TRIOBP: variants seen among roughly 807,000 people sequenced by gnomAD.
The protein encoded by TRIOBP is TRIO and F-actin-binding protein.
Under a neutral mutation model 238.8 loss-of-function variants are expected in TRIOBP, and 169 were observed. That is an observed-to-expected ratio of 0.71 (90% CI 0.62 to 0.80). The LOEUF (loss-of-function observed/expected upper bound fraction) is 0.80, where lower values mean the gene tolerates loss of function less well. TRIOBP is among the 30% of genes least tolerant of loss of function. TRIOBP has a pLI of 0.00. For synonymous variants in TRIOBP, 1,150 were observed against 1,274.4 expected (o/e 0.90, Z 2.08); for missense variants, 2,838 against 3,122.6 (o/e 0.91, Z 2.17).
intron 6 of TRIOBP, 45 bp downstream of exon 6, chr22:37,715,979 C>T: frequency 6.2e-7 from 1 of 1,606,256 alleles, no homozygotes; most frequent in Non-Finnish European, 8.5e-7. Context: ...TGGCCTGGGG[C>T]CCCCCAGATA....
Position 37,711,010 on chromosome 22 carries a change from G to A in TRIOBP, c.254+444G>A, listed in dbSNP as rs76877697. On this transcript the variant is annotated intron_variant, in intron 4 of 23. Transcript: ENST00000644935. ...CACCTGCTGTCACCCACCTACGTGG[G>A]TGTGCACTGCTCCAGGCTCTGGGGT... Among the ~76,000 whole-genome samples the A allele has an allele frequency of 9.4e-3, 1,435 of 152,352 alleles. 18 individuals carry two copies. Among genetic ancestry groups the A allele is most frequent in the African/African-American group, 0.033 (1,376 of 41,572 alleles).
At chr22:37,759,675 A>AG in intron 17 of TRIOBP, 1 of 1,522,366 alleles carries the variant, frequency 6.6e-7, no homozygotes, top group Non-Finnish European at 8.8e-7. Context: ...CACTGGGCCA[A>AG]GGCCCCACAC....
At chr22:37,771,022 ACT>A (rs1346998883) in intron 21 of TRIOBP, among the ~76,000 whole-genome samples, 1 of 152,142 alleles carries the variant, frequency 6.6e-6, no homozygotes, top group African/African-American at 2.4e-5. Context: ...GGTGAGGCTC[ACT>A]CTGTACCTAG....
chr22:37,765,673 G>T lies in TRIOBP; in HGVS notation c.6328G>T (p.Ala2110Ser), dbSNP rs1302649675. Reference sequence around the variant, plus strand: ...CACCCTGGCGTCCGGCCCACAGGAGGCATGTGAGCGCAGCCTGGCAGAGAT... The same window carrying T: ...CACCCTGGCGTCCGGCCCACAGGAGTCATGTGAGCGCAGCCTGGCAGAGAT... ...HIPPGYISQEACERSLAEMES... is the reference protein window; with the variant it reads ...HIPPGYISQESCERSLAEMES... Residue 2110 changes from alanine (A) to serine (S), a missense_variant, in exon 18 of 24, where the codon GCA becomes TCA. This residue lies in a region of TRIOBP where 2,096 missense variants were observed against 2,137.4 expected (regional missense o/e 0.98). Transcript: ENST00000644935. 6.5e-7 allele frequency: 1 copy of T among 1,550,158 alleles called. No individual in the cohort carries two copies. The highest frequency in any genetic ancestry group is 1.4e-5 in the African/African-American group (1 of 73,124).
At chr22:37,748,777 G>C (rs1163537053) in intron 11 of TRIOBP, among the ~76,000 whole-genome samples, 2 of 152,134 alleles carry the variant, frequency 1.3e-5, no homozygotes, top group Non-Finnish European at 2.9e-5. Context: ...GGGGCGGCTG[G>C]TGGTGCGGTG....
intron 6 of TRIOBP, among the ~76,000 whole-genome samples, chr22:37,721,055 G>A (rs1923802433): frequency 1.4e-5 from 2 of 147,060 alleles, no homozygotes; most frequent in South Asian, 4.2e-4. Context: ...ATTTTTAGTA[G>A]AGATGGGGTT....
In TRIOBP at chr22:37,774,213, G is replaced by A. The variant is rs934563072; in HGVS notation, c.*433G>A. On this transcript the variant is annotated 3_prime_UTR_variant, in exon 24 of 24. Transcript: ENST00000644935. ...CCAGCCACCCTCTGCTTGGGCTTCTGAGCTGGTGGCCCTGGCCCAGAGGTC... is the reference window on the plus strand; with the variant it reads ...CCAGCCACCCTCTGCTTGGGCTTCTAAGCTGGTGGCCCTGGCCCAGAGGTC... The A allele has an allele frequency of 6.6e-6, 1 of 151,832 alleles. No homozygotes were observed. The highest frequency in any genetic ancestry group is 2.4e-5 in the African/African-American group (1 of 41,168). 9.4% of individuals were successfully genotyped at this position (151,832 alleles called of 1,614,324 possible). A position where few individuals can be genotyped will look rare whatever the true frequency, so the allele number is the denominator to read the frequency against.
chr22:37,724,615 C>G lies in TRIOBP; in HGVS notation c.2059C>G (p.Pro687Ala), dbSNP rs754934285. ...ALRDNPRASS[P>A]SRTIQQENPR... ...ACGGGACAATCCCAGAGCCTCCTCT[C>G]CCAGCAGAACCATCCAACAAGAGAA... is the stretch of plus-strand genomic sequence containing the variant. The change falls in exon 7 of 24, where the codon CCC becomes GCC. Residue 687 changes from proline (P) to alanine (A), a missense_variant. Around this residue, in one of 5 missense-constraint regions of TRIOBP, gnomAD observed 167 missense variants for 200.2 expected, o/e 0.83. Transcript: ENST00000644935. 1 of 1,611,358 alleles carries G rather than the reference C, an allele frequency of 6.2e-7. No individual in the cohort carries two copies. Among genetic ancestry groups the G allele is most frequent in the Non-Finnish European group, 8.5e-7 (1 of 1,179,370 alleles).
intron 17 of TRIOBP, chr22:37,759,725 A>G: frequency 6.8e-7 from 1 of 1,472,690 alleles, no homozygotes; most frequent in Non-Finnish European, 9.0e-7. Context: ...AGTAGCCCTC[A>G]GAGAATGCAC....
chr22:37,711,578 C>CAA (rs1185976077), intron 4 of TRIOBP, among the ~76,000 whole-genome samples: 2 of 18,036 alleles, frequency 1.1e-4, no homozygotes, highest in African/African-American at 3.4e-4. Context: ...GGCTCCGTCT[C>CAA]AAAAAAAAAA....
intron 3 of TRIOBP, among the ~76,000 whole-genome samples, chr22:37,705,753 T>C (rs1159816288): frequency 1.3e-5 from 2 of 151,920 alleles, no homozygotes; most frequent in Non-Finnish European, 2.9e-5. Context: ...TTTTTGTATT[T>C]TTAGTAGAGA....
chr22:37,702,634 CTTTTT>C (rs34625454), intron 3 of TRIOBP, among the ~76,000 whole-genome samples: 13 of 81,204 alleles, frequency 1.6e-4, no homozygotes, highest in African/African-American at 6.0e-4. Context: ...TTCTCTCTCT[CTTTTT>C]TTTTTTTTTT....
chr22:37,714,750 C>T (rs1601624131), intron 5 of TRIOBP, among the ~76,000 whole-genome samples: 1 of 152,140 alleles, frequency 6.6e-6, no homozygotes, highest in East Asian at 1.9e-4. Context: ...GAACATGGCT[C>T]ACTACAGCCT....
rs1601669532 is a variant in TRIOBP at position 37,769,183 on chromosome 22, A to G, written c.6731A>G (p.Asn2244Ser). The G allele has an allele frequency of 1.2e-6, 2 of 1,607,480 alleles. No individual in the cohort carries two copies. Among genetic ancestry groups the G allele is most frequent in the East Asian group, 4.5e-5 (2 of 44,580 alleles). ...QQEGQELLRH[N>S]QELHGRLSEE... ...GAGGGCCAGGAGCTGCTGCGCCACA[A>G]CCAGGTGGGCCTGGCCCCAGGTTGG... The change falls in exon 20 of 24, where the codon AAC (asparagine) becomes AGC (serine). Residue 2244 changes from asparagine to serine, a missense_variant. Coordinates refer to ENST00000644935, the MANE Select transcript of TRIOBP (RefSeq NM_001039141.3).
intron 6 of TRIOBP, among the ~76,000 whole-genome samples, chr22:37,719,371 C>G (rs553641208): frequency 6.6e-6 from 1 of 152,078 alleles, no homozygotes; most frequent in African/African-American, 2.4e-5. Context: ...GTGCCCTTTG[C>G]TGAGAGCAGG....
rs1481649701 is a variant in TRIOBP, at chr22:37,767,981, C to G, written c.6473-93C>G. The G allele has an allele frequency of 5.3e-6, 5 of 944,122 alleles. No individual in the cohort carries two copies. In the African/African-American group the frequency reaches 8.1e-5, roughly 15 times the overall value. 58.5% of individuals were successfully genotyped at this position (944,122 alleles called of 1,614,324 possible). A position where few individuals can be genotyped will look rare whatever the true frequency, so the allele number is the denominator to read the frequency against. On this transcript the variant is annotated intron_variant, in intron 18 of 23. Coordinates refer to ENST00000644935, the MANE Select transcript of TRIOBP (RefSeq NM_001039141.3). ...AGTACTATGTGGAGTCCACATAGTA[C>G]TCCACCAGTACATGTGGCGTCTCAG...
Position 37,734,669 on chromosome 22 carries a change from A to G in TRIOBP, c.4333A>G (p.Arg1445Gly), listed in dbSNP as rs199640717. Residue 1445 changes from arginine to glycine, a missense_variant, in exon 9 of 24, where the codon AGG becomes GGG. By Grantham distance (125) the Arg-to-Gly change is moderately radical. Around this residue, in one of 5 missense-constraint regions of TRIOBP, gnomAD observed 2,096 missense variants for 2,137.4 expected, o/e 0.98. Coordinates refer to ENST00000644935, the MANE Select transcript of TRIOBP (RefSeq NM_001039141.3). ...CCAGGGCCCTCATAGACACCTAGAA[A>G]GGAGCTGGAGCAGCCAGGAGGGAGG... is the stretch of plus-strand genomic sequence containing the variant. ...GSQGPHRHLE[R>G]SWSSQEGGLG... is the part of the protein sequence containing the mutation. 4,838 of 1,601,028 alleles carry G rather than the reference A, an allele frequency of 3.0e-3. 13 individuals carry two copies. The highest frequency in any genetic ancestry group is 3.7e-3 in the Non-Finnish European group (4,367 of 1,174,366).
chr22:37,710,384 C>A lies in TRIOBP; in HGVS notation c.115-43C>A, dbSNP rs754379911. 3 of 1,610,428 alleles carry A rather than the reference C, an allele frequency of 1.9e-6. No homozygotes were observed. The Admixed American group carries it at 5.0e-5, about 27-fold the overall frequency. ...GGCTGTGCAGGGGGAGGGGAGCCCC[C>A]ACGTGGGCGCTGAGCTGTCTCCTCT... On this transcript the variant is annotated intron_variant, in intron 3 of 23. Coordinates refer to ENST00000644935, the MANE Select transcript of TRIOBP (RefSeq NM_001039141.3).
At chr22:37,738,800 G>T in intron 10 of TRIOBP, 81 bp downstream of exon 10, 1 of 1,449,310 alleles carries the variant, frequency 6.9e-7, no homozygotes, top group Non-Finnish European at 9.6e-7. Context: ...TTCCTCAGAA[G>T]AGCCCTAGAA....
Sources: allele counts gnomAD v4.1 joint callset (sites outside exome capture counted in the v4.1 genomes callset), GRCh38; gene constraint gnomAD v4.1.1; regional missense constraint gnomAD v4.1.1; transcripts MANE v1.5; gene names NCBI Gene and HGNC (gene_info 2026-07-23, HGNC 2026-07-21).